The following SORCS1 variants were observed in gnomAD, a reference collection of about 807,000 sequenced individuals.
The protein encoded by SORCS1 is sortilin related VPS10 domain containing receptor 1, also known as VPS10 domain-containing receptor SorCS1.
In SORCS1, 60 loss-of-function variants were observed where a neutral mutation model predicts 146.1. The observed-to-expected ratio is 0.41, with a 90% CI of 0.33 to 0.51. The LOEUF (loss-of-function observed/expected upper bound fraction) is 0.51, where lower values mean the gene tolerates loss of function less well. SORCS1 is among the 20% of genes least tolerant of loss of function. The pLI, the probability that SORCS1 is intolerant of heterozygous loss-of-function variation, is 0.21. For missense variants in SORCS1, 1,352 were observed against 1,487.6 expected (o/e 0.91, Z 1.50); for synonymous variants, 637 against 584.0 (o/e 1.09, Z -1.31).
the SORCS1 span, among the ~76,000 whole-genome samples, chr10:107,171,514 C>CCTTT: frequency 2.6e-5 from 3 of 117,290 alleles, no homozygotes; most frequent in Admixed American, 2.9e-4. Context: ...GGGAATCCCC[C>CCTTT]TTTTTTTTTT....
chr10:106,596,512 T>C (rs935335766), intron 24 of SORCS1, among the ~76,000 whole-genome samples: 4 of 152,288 alleles, frequency 2.6e-5, no homozygotes, highest in Admixed American at 1.3e-4. Flanking sequence ...AAACTCTCCA[T>C]AAGCTTAGAA....
intron 12 of SORCS1, among the ~76,000 whole-genome samples, chr10:106,678,754 A>C (rs1406271974): frequency 6.6e-6 from 1 of 152,198 alleles, no homozygotes; most frequent in Non-Finnish European, 1.5e-5. Flanking sequence ...TAACATATGC[A>C]TCCTGATGGT....
intron 3 of SORCS1, 96 bp downstream of exon 3, chr10:106,829,478 T>C (rs1948446450): frequency 7.8e-6 from 6 of 767,100 alleles, no homozygotes; most frequent in Non-Finnish European, 1.3e-5. Context: ...TAATCCCAGA[T>C]TAACTGTAAT....
intron 1 of SORCS1, among the ~76,000 whole-genome samples, chr10:107,151,739 C>T (rs1328819134): frequency 6.6e-6 from 1 of 152,100 alleles, no homozygotes; most frequent in Non-Finnish European, 1.5e-5. Flanking sequence ...GCATTTTGCC[C>T]CTGCCCTAGA....
At chr10:106,972,380 C>CA (rs35202189) in intron 1 of SORCS1, among the ~76,000 whole-genome samples, 5,902 of 93,922 alleles carry the variant, frequency 0.063, 184 homozygotes, top group Non-Finnish European at 0.088. Context: ...GACTCTGTCT[C>CA]AAAAAAAAAA....
intron 1 of SORCS1, among the ~76,000 whole-genome samples, chr10:107,128,320 G>A (rs1295967409): frequency 6.6e-6 from 1 of 152,176 alleles, no homozygotes; most frequent in Non-Finnish European, 1.5e-5. Flanking sequence ...ACACAACATC[G>A]GGTTGCATGA....
chr10:106,744,140 T>C (rs1247964307), intron 5 of SORCS1, among the ~76,000 whole-genome samples: 1 of 152,228 alleles, frequency 6.6e-6, no homozygotes, highest in Non-Finnish European at 1.5e-5. Flanking sequence ...AGTCTCGCTC[T>C]GTCACCCAGG....
chr10:106,989,039 T>A (rs1956617405), intron 1 of SORCS1, among the ~76,000 whole-genome samples: 1 of 150,218 alleles, frequency 6.7e-6, no homozygotes, highest in East Asian at 2.0e-4. Context: ...GGCAGGCAGA[T>A]CACAAGGTCA....
chr10:106,849,988 A>C (rs1949483103), intron 2 of SORCS1, among the ~76,000 whole-genome samples: 2 of 152,158 alleles, frequency 1.3e-5, no homozygotes, highest in South Asian at 4.1e-4. Context: ...GCTGTCTTCA[A>C]AGCTGTCAGA....
chr10:106,670,860 A>T (rs1007161356), intron 16 of SORCS1, among the ~76,000 whole-genome samples: 1 of 151,710 alleles, frequency 6.6e-6, no homozygotes, highest in Non-Finnish European at 1.5e-5. Flanking sequence ...TGCCCAGCTA[A>T]TTTTTCTATT....
intron 3 of SORCS1, among the ~76,000 whole-genome samples, chr10:106,820,633 T>TG (rs1564697582): frequency 1.3e-5 from 2 of 152,188 alleles, no homozygotes; most frequent in Non-Finnish European, 2.9e-5. Context: ...GGAGAAAGCT[T>TG]GGGGCAGTTC....
chr10:106,906,613 G>A (rs1448490656), intron 2 of SORCS1, among the ~76,000 whole-genome samples: 1 of 152,110 alleles, frequency 6.6e-6, no homozygotes, highest in African/African-American at 2.4e-5. Flanking sequence ...GGAAAGACTG[G>A]CCCCCATGAT....
intron 1 of SORCS1, among the ~76,000 whole-genome samples, chr10:107,040,322 C>T (rs894092120): frequency 3.3e-5 from 5 of 152,068 alleles, no homozygotes; most frequent in Admixed American, 6.6e-5. Flanking sequence ...GGAACGTCAG[C>T]GGCAATTTTC....
At chr10:107,040,191 T>C (rs965393531) in intron 1 of SORCS1, among the ~76,000 whole-genome samples, 22 of 152,310 alleles carry the variant, frequency 1.4e-4, no homozygotes, top group African/African-American at 5.1e-4. Flanking sequence ...AATGACTCCA[T>C]AGAGTAACAC....
intron 2 of SORCS1, among the ~76,000 whole-genome samples, chr10:106,865,242 C>T (rs1950185439): frequency 6.6e-6 from 1 of 152,218 alleles, no homozygotes; most frequent in African/African-American, 2.4e-5. Context: ...CCAGCTACCT[C>T]CTACAGGTGC....
intron 2 of SORCS1, among the ~76,000 whole-genome samples, chr10:106,889,239 C>G (rs1476575180): frequency 6.6e-6 from 1 of 152,030 alleles, no homozygotes; most frequent in Non-Finnish European, 1.5e-5. Flanking sequence ...CACTTAGTGC[C>G]GTAATGGACA....
chr10:106,919,391 T>C (rs9630081), intron 2 of SORCS1, among the ~76,000 whole-genome samples: 65,687 of 152,038 alleles, frequency 0.43, 14,614 homozygotes, highest in African/African-American at 0.54. Context: ...TTTTCTGTCC[T>C]GTGAGTTGTA....
chr10:107,106,417 C>T (rs1227660665), intron 1 of SORCS1, among the ~76,000 whole-genome samples: 1 of 152,158 alleles, frequency 6.6e-6, no homozygotes, highest in Non-Finnish European at 1.5e-5. Flanking sequence ...TATTAAATGC[C>T]TTTTATTTTG....
chr10:106,898,234 G>A (rs1441626471), intron 2 of SORCS1, among the ~76,000 whole-genome samples: 2 of 152,160 alleles, frequency 1.3e-5, no homozygotes, highest in Non-Finnish European at 2.9e-5. Flanking sequence ...TTGCTCTTCA[G>A]ATTTCTTTAA....
Sources: gnomAD v4.1 joint callset for allele counts (sites outside exome capture counted in the v4.1 genomes callset) on GRCh38, gnomAD v4.1.1 for gene constraint, MANE v1.5 for transcripts, NCBI Gene and HGNC (gene_info 2026-07-23, HGNC 2026-07-21) for gene names.